Variants in TFEB observed in about 807,000 individuals in gnomAD.
TFEB encodes transcription factor EB, also known as T-cell transcription factor EB.
In TFEB, 12 loss-of-function variants were observed where a neutral mutation model predicts 48.0. The observed-to-expected ratio is 0.25, with a 90% CI of 0.16 to 0.40. The LOEUF is 0.40. Among genes scored for constraint, TFEB ranks in the 10% least tolerant of loss-of-function variants. TFEB has a pLI of 1.00. For synonymous variants in TFEB, 244 were observed against 261.4 expected, an observed-to-expected ratio of 0.93 and a Z score of 0.64; for missense variants, 509 against 640.3, an observed-to-expected ratio of 0.79 and a Z score of 2.21.
intron 1 of TFEB, among the ~76,000 whole-genome samples, chr6:41,706,824 C>T (rs556271124): frequency 4.1e-4 from 62 of 152,134 alleles, no homozygotes; most frequent in East Asian, 3.1e-3. Flanking sequence ...CATCTCCCCC[C>T]GCCCACACCC....
intron 1 of TFEB, among the ~76,000 whole-genome samples, chr6:41,707,680 C>T (rs1010098468): frequency 1.3e-5 from 2 of 152,180 alleles, no homozygotes; most frequent in African/African-American, 4.8e-5. Flanking sequence ...ACAGGTGGAG[C>T]CCAGGGGAAG....
At chr6:41,697,709 A>T (rs1769682412) in intron 1 of TFEB, among the ~76,000 whole-genome samples, 1 of 152,228 alleles carries the variant, frequency 6.6e-6, no homozygotes, top group Admixed American at 6.5e-5. Context: ...TGCACTTCAC[A>T]TTATATGGAA....
chr6:41,724,571 G>T lies in TFEB; in HGVS notation c.-23+10779C>A, dbSNP rs1771127765. 6.6e-6 allele frequency among the ~76,000 whole-genome samples: 1 copy of T among 152,100 alleles called. No individual in the cohort carries two copies. The highest frequency in any genetic ancestry group is 1.5e-5 in the Non-Finnish European group (1 of 67,996). ...TCTGGAAGGACACAAAGGATGAGTA[G>T]GAGCCAGGCCTGGGTGTGCAGAGCC... On this transcript the variant is annotated intron_variant, in intron 1 of 8. Transcript: ENST00000373033. The surrounding 1 kb of genome is among the most constrained non-coding windows in gnomAD (Gnocchi z 4.4).
chr6:41,694,001 C>A (rs1277357539), intron 1 of TFEB, among the ~76,000 whole-genome samples: 5 of 150,556 alleles, frequency 3.3e-5, no homozygotes, highest in Non-Finnish European at 7.4e-5. Context: ...CACTGGCTCA[C>A]CCCCCCACCC....
intron 1 of TFEB, among the ~76,000 whole-genome samples, chr6:41,700,330 G>T (rs1769837428): frequency 6.6e-6 from 1 of 151,950 alleles, no homozygotes; most frequent in Non-Finnish European, 1.5e-5. Flanking sequence ...GCCGGGCATG[G>T]TGGCGGGCGC....
At position 41,691,848 on chromosome 6, in the gene TFEB, T is replaced by C. The variant is rs937804213; in HGVS notation, c.-22-613A>G. 5.9e-5 allele frequency among the ~76,000 whole-genome samples: 9 copies of C among 152,132 alleles called. No homozygotes were observed. The highest frequency in any genetic ancestry group is 1.3e-4 in the Non-Finnish European group (9 of 68,014). On this transcript the variant is annotated intron_variant, in intron 1 of 8. Transcript: ENST00000373033. The surrounding 1 kb of genome is among the most constrained non-coding windows in gnomAD (Gnocchi z 5.2). ...GATCTGGCCCACCTCGTGTTCCCCT[T>C]TGACCCCATCCGCCAGCTCTCCCTC...
At chr6:41,729,009 C>T (rs932329024) in intron 1 of TFEB, among the ~76,000 whole-genome samples, 6 of 152,040 alleles carry the variant, frequency 3.9e-5, no homozygotes, top group Non-Finnish European at 7.4e-5. Context: ...GCTAGGGGTA[C>T]GGCACGGACC....
chr6:41,711,718 T>G (rs1357678444), intron 1 of TFEB, among the ~76,000 whole-genome samples: 1 of 152,022 alleles, frequency 6.6e-6, no homozygotes, highest in African/African-American at 2.4e-5. Flanking sequence ...GGGTCAAGCC[T>G]CTCTGAGTGA....
chr6:41,684,795 C>A lies in TFEB; in HGVS notation c.1235G>T (p.Gly412Val). 6.2e-7 allele frequency: 1 copy of A among 1,605,322 alleles called. No homozygotes were observed. Among genetic ancestry groups the A allele is most frequent in the Non-Finnish European group, 8.5e-7 (1 of 1,175,950 alleles). Residue 412 changes from glycine (G) to valine (V), a missense_variant, in exon 9 of 9, where the codon GGC (glycine) becomes GTC (valine). Gly to Val is a moderately radical substitution (Grantham distance 109). Coordinates refer to ENST00000373033, the MANE Select transcript of TFEB (RefSeq NM_001271944.2). ...CCCCGGCGCCAGGGGTTCGGGGTAG[C>A]CCGGGGGACCCTCGTCCTCCCTGCC... is the stretch of plus-strand genomic sequence containing the variant. ...FGGREDEGPP[G>V]YPEPLAPGHG...
Position 41,687,580 on chromosome 6 carries a change from AAT to A in TFEB, c.727+171_727+172del, listed in dbSNP as rs796132314. ...AGAGGCCTAGTGGAAAGACAGCACT[AAT>A]AGTCCCAGGCACCACTGAGCGACAG... On this transcript the variant is annotated intron_variant, in intron 6 of 8. Transcript: ENST00000373033. 26 of 779,152 alleles carry A rather than the reference AAT, an allele frequency of 3.3e-5. No individual in the cohort carries two copies. The African/African-American group carries it at 4.3e-4, about 13-fold the overall frequency. 48.3% of individuals were successfully genotyped at this position (779,152 alleles called of 1,614,324 possible).
chr6:41,709,471 T>C (rs1017908152), intron 1 of TFEB, among the ~76,000 whole-genome samples: 1 of 152,044 alleles, frequency 6.6e-6, no homozygotes, highest in African/African-American at 2.4e-5. Context: ...TGGATGGACA[T>C]AATGGATGCA....
rs115445087 is a variant in TFEB at position 41,722,314 on chromosome 6, T to C, written c.-23+13036A>G. On this transcript the variant is annotated intron_variant, in intron 1 of 8. Coordinates refer to ENST00000373033, the MANE Select transcript of TFEB (RefSeq NM_001271944.2). ...ATATTAATTTAACTCTTTATAGCTG[T>C]GGGTTACTTTGATTACTTAATTGGG... 9.7e-3 allele frequency among the ~76,000 whole-genome samples: 1,472 copies of C among 152,260 alleles called. 11 individuals are homozygous for C. The highest frequency in any genetic ancestry group is 0.012 in the Non-Finnish European group (834 of 68,018).
intron 7 of TFEB, chr6:41,686,704 T>TG (rs1769029291): frequency 3.9e-6 from 1 of 259,452 alleles, no homozygotes; most frequent in Admixed American, 4.8e-5. Context: ...TTAGTAGAGA[T>TG]GGGGTTTCGC....
intron 1 of TFEB, among the ~76,000 whole-genome samples, chr6:41,695,428 G>T (rs1769526696): frequency 6.6e-6 from 1 of 152,216 alleles, no homozygotes; most frequent in Admixed American, 6.5e-5. Flanking sequence ...ATGGGTCAGG[G>T]CTGGTCAATG....
chr6:41,735,216 C>G (rs1343490033), intron 1 of TFEB, 134 bp downstream of exon 1: 1 of 908,884 alleles, frequency 1.1e-6, no homozygotes. Context: ...GCGGCGCGCA[C>G]GGTCCTGCTT....
rs11963156 is a variant in TFEB at position 41,723,750 on chromosome 6, C to A, written c.-23+11600G>T. On this transcript the variant is annotated intron_variant, in intron 1 of 8. Coordinates refer to ENST00000373033, the MANE Select transcript of TFEB (RefSeq NM_001271944.2). The surrounding 1 kb of genome is among the most constrained non-coding windows in gnomAD (Gnocchi z 6.0). ...CACAGACTGCTTCAATCTCACCCGC[C>A]CGGCTCCAGGCGCCCACAGCGCTCC... 0.021 allele frequency: 7,820 copies of A among 376,094 alleles called. 533 individuals carry two copies. The highest frequency in any genetic ancestry group is 0.15 in the African/African-American group (6,996 of 47,188). The allele number at this position is 376,094 out of a possible 1,614,324, so 23.3% of individuals were successfully genotyped here.
intron 1 of TFEB, among the ~76,000 whole-genome samples, chr6:41,716,951 C>A (rs1770763554): frequency 6.6e-6 from 1 of 152,020 alleles, no homozygotes; most frequent in Non-Finnish European, 1.5e-5. Flanking sequence ...CCCGCGTGCA[C>A]CCTACATCAC....
intron 1 of TFEB, among the ~76,000 whole-genome samples, chr6:41,713,467 C>T (rs944411513): frequency 2.0e-5 from 3 of 152,174 alleles, no homozygotes; most frequent in African/African-American, 7.2e-5. Context: ...GAGACTTGAT[C>T]CCCTCCGGTC....
chr6:41,688,207 A>T, intron 4 of TFEB, 179 bp from the exon 5 acceptor site: 1 of 679,732 alleles, frequency 1.5e-6, no homozygotes, highest in Non-Finnish European at 2.4e-6. Flanking sequence ...AGCTATTATA[A>T]GATGTAGTCC....
Sources: gnomAD v4.1 joint callset for allele counts (sites outside exome capture counted in the v4.1 genomes callset) on GRCh38, gnomAD v4.1.1 for gene constraint, Gnocchi (gnomAD v3.1) non-coding constraint, MANE v1.5 for transcripts, NCBI Gene and HGNC (gene_info 2026-07-23, HGNC 2026-07-21) for gene names.